NEB: variants seen among roughly 807,000 people sequenced by gnomAD.
The protein encoded by NEB is nemaline myopathy type 2.
Under a neutral mutation model 952.2 loss-of-function variants are expected in NEB, and 512 were observed. That is an observed-to-expected ratio of 0.54 (90% CI 0.50 to 0.58). The LOEUF is 0.58. NEB is among the 20% of genes least tolerant of loss of function. The pLI is 0.00. For missense variants in NEB, 8,428 were observed against 9,231.1 expected (o/e 0.91, Z 3.56); for synonymous variants, 2,900 against 3,149.8 (o/e 0.92, Z 2.66).
intron 20 of NEB, among the ~76,000 whole-genome samples, chr2:151,693,810 T>C (rs893156725): frequency 2.0e-5 from 3 of 152,192 alleles, no homozygotes; most frequent in African/African-American, 4.8e-5. Context: ...TTAATAAGTA[T>C]GTTAAAGTCT....
intron 10 of NEB, among the ~76,000 whole-genome samples, chr2:151,713,621 G>A (rs1414572536): frequency 1.3e-5 from 2 of 152,178 alleles, no homozygotes; most frequent in Non-Finnish European, 2.9e-5. Flanking sequence ...GATCTGGAAG[G>A]GAGCAGAGAG....
At chr2:151,626,848 T>C (rs960620309) in intron 70 of NEB, among the ~76,000 whole-genome samples, 154 bp downstream of exon 70, 2 of 152,262 alleles carry the variant, frequency 1.3e-5, no homozygotes, top group South Asian at 4.1e-4. Context: ...AATGCTCCCA[T>C]ATATTGTTAT....
chr2:151,659,122 G>C lies in NEB; in HGVS notation c.6018C>G (p.Ile2006Met), dbSNP rs2099118349. The C allele has an allele frequency of 6.2e-7, 1 of 1,613,068 alleles. No individual in the cohort carries two copies. ...AWEADKTKVH[I>M]MPDIPQIILA... is the part of the protein sequence containing the mutation. ...AAATAATCTGGGGGATATCAGGCAT[G>C]ATGTGGACTTTGGTTTTGTCAGCCT... Residue 2006 changes from isoleucine (I) to methionine (M), a missense_variant, in exon 47 of 182, where the codon ATC becomes ATG. Around this residue, in one of 11 missense-constraint regions of NEB, gnomAD observed 2,851 missense variants for 2,791.5 expected, o/e 1.02. Coordinates refer to ENST00000397345, the MANE Select transcript of NEB (RefSeq NM_001164508.2).
chr2:151,672,227 C>A, intron 37 of NEB, 142 bp downstream of exon 37: 1 of 773,940 alleles, frequency 1.3e-6, no homozygotes, highest in Non-Finnish European at 2.0e-6. Context: ...GTCTACCATG[C>A]CTTTGGTAGT....
chr2:151,486,885 G>C (rs2035191951), intron 181 of NEB: 1 of 152,200 alleles, frequency 6.6e-6, no homozygotes, highest in Non-Finnish European at 1.5e-5. Context: ...ATGGGCACCA[G>C]CATTTGTTTG....
chr2:151,686,307 T>A (rs1341009685), intron 27 of NEB, among the ~76,000 whole-genome samples: 1 of 152,254 alleles, frequency 6.6e-6, no homozygotes, highest in African/African-American at 2.4e-5. Context: ...GGATATTATG[T>A]GAGAATGACT....
intron 157 of NEB, 39 bp from the exon 158 acceptor site, chr2:151,514,967 T>A (rs761271532): frequency 7.6e-7 from 1 of 1,315,238 alleles, no homozygotes; most frequent in Non-Finnish European, 1.1e-6. Context: ...TAAAAAAAAA[T>A]CTTTATTACA....
In NEB at chr2:151,548,369, G is replaced by A; in HGVS notation, c.20096C>T (p.Thr6699Ile). The A allele has an allele frequency of 6.2e-7, 1 of 1,613,790 alleles. No individual in the cohort carries two copies. The highest frequency in any genetic ancestry group is 2.2e-5 in the East Asian group (1 of 44,864). Reference protein sequence around the residue: ...AYEHTKAYGYTLGPKDVPFVH... With the variant: ...AYEHTKAYGYILGPKDVPFVH... ...AAATGGAACATCTTTGGGGCCAAGT[G>A]TATACCCATATGCCTTGGTGTGTTC... Residue 6699 changes from threonine to isoleucine, a missense_variant, in exon 131 of 182, where the codon ACA becomes ATA. Thr to Ile is a moderately conservative substitution (Grantham distance 89, BLOSUM62 -1). Transcript: ENST00000397345.
chr2:151,644,352 T>C, intron 56 of NEB, 116 bp downstream of exon 56: 1 of 1,122,570 alleles, frequency 8.9e-7, no homozygotes, highest in Non-Finnish European at 1.3e-6. Context: ...ATGGGATCAT[T>C]TTATTCCACT....
chr2:151,545,737 C>T (rs930037329), intron 135 of NEB, 151 bp downstream of exon 135: 3 of 581,996 alleles, frequency 5.2e-6, no homozygotes, highest in East Asian at 2.8e-5. Context: ...CTTGCTTAGA[C>T]ATAGTAGCCA....
At chr2:151,687,040 G>A (rs1428179256) in intron 27 of NEB, among the ~76,000 whole-genome samples, 1 of 152,042 alleles carries the variant, frequency 6.6e-6, no homozygotes. Flanking sequence ...TAAGATTTTT[G>A]TGACTCATAA....
At position 151,671,135 on chromosome 2, in the gene NEB, T is replaced by C; in HGVS notation, c.4394A>G (p.Asp1465Gly). Reference protein sequence around the residue: ...LEVEKVKKAGDALNERKYRQH... With the variant: ...LEVEKVKKAGGALNERKYRQH... ...TCGATACTTCCTCTCATTTAATGCA[T>C]CGCCTGCTTTCTTGACCTTCTCCAC... is the stretch of plus-strand genomic sequence containing the variant. The change falls in exon 38 of 182, where the codon GAT becomes GGT. Residue 1465 changes from aspartate (D) to glycine (G), a missense_variant. By Grantham distance (94) the Asp-to-Gly change is moderately conservative. Transcript: ENST00000397345. The C allele has an allele frequency of 6.2e-7, 1 of 1,613,990 alleles. No homozygotes were observed. Among genetic ancestry groups the C allele is most frequent in the African/African-American group, 1.3e-5 (1 of 75,054 alleles).
At chr2:151,514,507 C>T (rs2076525837) in intron 158 of NEB, 79 bp from the exon 159 acceptor site, 2 of 1,160,852 alleles carry the variant, frequency 1.7e-6, no homozygotes, top group South Asian at 1.2e-5. Context: ...AAATAAAAAA[C>T]AATTCCAATT....
Position 151,640,596 on chromosome 2 carries a change from G to C in NEB, c.8444C>G (p.Pro2815Arg). Residue 2815 changes from proline (P) to arginine (R), a missense_variant, in exon 61 of 182, where the codon CCC becomes CGC. By Grantham distance (103) the Pro-to-Arg change is moderately radical. This residue lies in a region of NEB where 1,772 missense variants were observed against 1,960.3 expected (regional missense o/e 0.90). Coordinates refer to ENST00000397345, the MANE Select transcript of NEB (RefSeq NM_001164508.2). ...HIGARAIRDD[P>R]KMMWSMHVAK... ...CACGTGCATGGACCACATCATCTTG[G>C]GGTCATCACGTATAGCTCGGGCACC... 1 of 1,613,834 alleles carries C rather than the reference G, an allele frequency of 6.2e-7. No individual in the cohort carries two copies. The highest frequency in any genetic ancestry group is 8.5e-7 in the Non-Finnish European group (1 of 1,179,844).
At chr2:151,709,604 G>A (rs2099737942) in intron 12 of NEB, 52 bp downstream of exon 12, 3 of 1,407,146 alleles carry the variant, frequency 2.1e-6, no homozygotes, top group African/African-American at 1.4e-5. Context: ...AAAGTTATAA[G>A]AAATTTACCC....
chr2:151,687,848 ATATT>A (rs2099515060), intron 25 of NEB, 115 bp from the exon 26 acceptor site: 2 of 968,218 alleles, frequency 2.1e-6, no homozygotes, highest in Admixed American at 2.3e-5. Context: ...TATAAAAACT[ATATT>A]TATCAAATTG....
intron 105 of NEB, among the ~76,000 whole-genome samples, chr2:151,578,845 G>T (rs1334898872): frequency 6.6e-6 from 1 of 151,952 alleles, no homozygotes; most frequent in Non-Finnish European, 1.5e-5. Context: ...ACTTTGGAAG[G>T]CTGAGACGGG....
At position 151,546,367 on chromosome 2, in the gene NEB, G is replaced by C. The variant is rs769382638; in HGVS notation, c.20444C>G (p.Ser6815Cys). Reference protein sequence around the residue: ...FLYDTPDMVRSRHLRKLWSNY... With the variant: ...FLYDTPDMVRCRHLRKLWSNY... ...CACCCAGAGCTTCCGCAGGTGCCGG[G>C]AGCGGACCATGTCAGGAGTGTCATA... Residue 6815 changes from serine to cysteine, a missense_variant, in exon 134 of 182, where the codon TCC becomes TGC. By Grantham distance (112) the Ser-to-Cys change is moderately radical (BLOSUM62 -1). Coordinates refer to ENST00000397345, the MANE Select transcript of NEB (RefSeq NM_001164508.2). The C allele has an allele frequency of 2.5e-6, 4 of 1,612,946 alleles. No individual in the cohort carries two copies. The highest frequency in any genetic ancestry group is 1.1e-5 in the South Asian group (1 of 90,920).
intron 114 of NEB, among the ~76,000 whole-genome samples, chr2:151,566,944 T>C (rs542456282): frequency 6.6e-6 from 1 of 152,196 alleles, no homozygotes; most frequent in Non-Finnish European, 1.5e-5. Context: ...CAGATTTTTT[T>C]TAAAAAAATT....
Sources: allele counts gnomAD v4.1 joint callset (sites outside exome capture counted in the v4.1 genomes callset), GRCh38; gene constraint gnomAD v4.1.1; regional missense constraint gnomAD v4.1.1; transcripts MANE v1.5; gene names NCBI Gene and HGNC (gene_info 2026-07-23, HGNC 2026-07-21).